PKHD1: variants seen among roughly 807,000 people sequenced by gnomAD.
PKHD1 encodes fibrocystin.
PKHD1 carries 291 observed loss-of-function variants against 412.0 expected under a neutral mutation model. That is an observed-to-expected ratio of 0.71 (90% CI 0.64 to 0.78). PKHD1 has a LOEUF of 0.78. Among genes scored for constraint, PKHD1 ranks in the 30% least tolerant of loss-of-function variants. The pLI, the probability that PKHD1 is intolerant of heterozygous loss-of-function variation, is 0.00. For synonymous variants in PKHD1, 1,777 were observed against 1,821.5 expected (o/e 0.98, Z 0.62); for missense variants, 4,825 against 4,950.7 (o/e 0.97, Z 0.76).
At chr6:51,886,952 T>C (rs1054713869) in intron 44 of PKHD1, among the ~76,000 whole-genome samples, 181 bp downstream of exon 44, 2 of 152,198 alleles carry the variant, frequency 1.3e-5, no homozygotes, top group Admixed American at 6.5e-5. Flanking sequence ...TCAAGTTGCA[T>C]ACATTAAATA....
intron 37 of PKHD1, among the ~76,000 whole-genome samples, chr6:51,925,137 C>G (rs1785322835): frequency 6.6e-6 from 1 of 152,146 alleles, no homozygotes; most frequent in African/African-American, 2.4e-5. Context: ...AGTGAGTACT[C>G]TATGACGGAG....
chr6:51,932,639 T>C (rs988231203), intron 37 of PKHD1, among the ~76,000 whole-genome samples: 1 of 152,238 alleles, frequency 6.6e-6, no homozygotes, highest in African/African-American at 2.4e-5. Flanking sequence ...AAAATCAATG[T>C]AGTTGCTTGC....
intron 55 of PKHD1, among the ~76,000 whole-genome samples, chr6:51,761,543 T>G (rs1788015005): frequency 6.6e-6 from 1 of 152,098 alleles, no homozygotes. Context: ...GTGACTACAG[T>G]TATTAATATA....
intron 36 of PKHD1, among the ~76,000 whole-genome samples, chr6:51,934,941 G>C (rs985325095): frequency 2.0e-5 from 3 of 152,174 alleles, no homozygotes; most frequent in African/African-American, 7.2e-5. Flanking sequence ...GAGCAAAAGG[G>C]AAAAGAGGTA....
At chr6:51,948,451 T>C (rs1196446705) in intron 36 of PKHD1, among the ~76,000 whole-genome samples, 1 of 152,224 alleles carries the variant, frequency 6.6e-6, no homozygotes, top group African/African-American at 2.4e-5. Context: ...ACCTCCAATG[T>C]GTATTCCCTA....
rs535767744 is a variant in PKHD1 at position 51,711,128 on chromosome 6, G to A, written c.10156+33257C>T. Reference sequence around the variant, plus strand: ...CATACGTGTGCAACCAAGAAGTGTTGGTGTTGGGGATACTTTAACCAATCA... The same window carrying A: ...CATACGTGTGCAACCAAGAAGTGTTAGTGTTGGGGATACTTTAACCAATCA... On this transcript the variant is annotated intron_variant, in intron 60 of 66. Coordinates refer to ENST00000371117, the MANE Select transcript of PKHD1 (RefSeq NM_138694.4). Among the ~76,000 whole-genome samples, 4 of 152,264 alleles carry A rather than the reference G, an allele frequency of 2.6e-5. No individual in the cohort carries two copies. In the South Asian group the frequency reaches 8.3e-4, roughly 32 times the overall value.
At chr6:52,021,812 A>C (rs895508754) in intron 33 of PKHD1, among the ~76,000 whole-genome samples, 2 of 151,906 alleles carry the variant, frequency 1.3e-5, no homozygotes, top group African/African-American at 4.8e-5. Context: ...ACACAGCACA[A>C]ATTTCCATCA....
intron 43 of PKHD1, among the ~76,000 whole-genome samples, chr6:51,889,126 G>A (rs1412710519): frequency 6.6e-6 from 1 of 152,052 alleles, no homozygotes; most frequent in Non-Finnish European, 1.5e-5. Context: ...CTGATCACCT[G>A]GGGGTTTTCC....
chr6:51,981,328 C>G (rs1448154639), intron 35 of PKHD1, among the ~76,000 whole-genome samples: 5 of 26,282 alleles, frequency 1.9e-4, no homozygotes, highest in Admixed American at 1.1e-3. Context: ...TCTCCCTCTC[C>G]CTCTCCCTCT....
intron 36 of PKHD1, among the ~76,000 whole-genome samples, chr6:51,941,407 C>T (rs1190242621): frequency 6.7e-6 from 1 of 149,466 alleles, no homozygotes; most frequent in Non-Finnish European, 1.5e-5. Flanking sequence ...AGGCGCCCGC[C>T]ACCGCGCCCG....
chr6:51,626,280 T>C (rs774739775), intron 66 of PKHD1, among the ~76,000 whole-genome samples: 27 of 152,198 alleles, frequency 1.8e-4, no homozygotes, highest in Admixed American at 5.2e-4. Context: ...TTGGAGTATA[T>C]GTTTTAAAAC....
chr6:51,801,610 C>T (rs1297985648), intron 52 of PKHD1, among the ~76,000 whole-genome samples: 1 of 125,706 alleles, frequency 8.0e-6, no homozygotes, highest in Non-Finnish European at 1.7e-5. Context: ...TTTCCTGACA[C>T]CCTGAAGAAA....
At position 51,616,343 on chromosome 6, in the gene PKHD1, T is replaced by C. The variant is rs1417112228; in HGVS notation, c.*2738A>G. On this transcript the variant is annotated 3_prime_UTR_variant, in exon 67 of 67. Transcript: ENST00000371117. ...TGAACTAACACAGGAAAAAAGCACA[T>C]CTCAATATTTATTTAGATAAAGGGT... is the stretch of plus-strand genomic sequence containing the variant. 5 of 229,608 alleles carry C rather than the reference T, an allele frequency of 2.2e-5. No homozygotes were observed. Among genetic ancestry groups the C allele is most frequent in the African/African-American group, 1.1e-4 (5 of 44,556 alleles). 14.2% of individuals were successfully genotyped at this position (229,608 alleles called of 1,614,324 possible).
At chr6:51,640,175 A>G (rs930746265) in intron 63 of PKHD1, among the ~76,000 whole-genome samples, 3 of 152,184 alleles carry the variant, frequency 2.0e-5, no homozygotes, top group Non-Finnish European at 4.4e-5. Context: ...ACATGAAATC[A>G]TTTGCTGCAG....
chr6:51,809,062 A>G (rs935881651), intron 52 of PKHD1, among the ~76,000 whole-genome samples: 1 of 152,188 alleles, frequency 6.6e-6, no homozygotes, highest in African/African-American at 2.4e-5. Flanking sequence ...TCAATTCAAT[A>G]TCCCAAGAAC....
rs1306059097 is a variant in PKHD1 at position 51,941,280 on chromosome 6, G to A, written c.5909-6958C>T. Among the ~76,000 whole-genome samples the A allele has an allele frequency of 2.9e-4, 31 of 107,124 alleles. 1 individual carries two copies. The highest frequency in any genetic ancestry group is 9.8e-4 in the African/African-American group (27 of 27,434). 70.3% of individuals were successfully genotyped at this position (107,124 alleles called of 152,430 possible). A position where few individuals can be genotyped will look rare whatever the true frequency, so the allele number is the denominator to read the frequency against. ...TTTTTTTTTTTTGAGACGGAGTCTC[G>A]CTCTGTCGCCCAGGCCGGACTGCGG... is the stretch of plus-strand genomic sequence containing the variant. On this transcript the variant is annotated intron_variant, in intron 36 of 66. Transcript: ENST00000371117.
At chr6:51,639,008 A>C in intron 63 of PKHD1, 52 bp from the exon 64 acceptor site, 4 of 1,272,232 alleles carry the variant, frequency 3.1e-6, no homozygotes, top group Non-Finnish European at 4.6e-6. Flanking sequence ...AATCTCGAAC[A>C]ATGTCTTCAT....
intron 65 of PKHD1, among the ~76,000 whole-genome samples, chr6:51,630,761 TA>T (rs1767827908): frequency 6.6e-6 from 1 of 152,156 alleles, no homozygotes; most frequent in African/African-American, 2.4e-5. Context: ...TTAATAAATA[TA>T]AAATACAGAA....
At chr6:51,951,047 C>T (rs927186) in intron 36 of PKHD1, among the ~76,000 whole-genome samples, 106,981 of 152,072 alleles carry the variant, frequency 0.7, 38,134 homozygotes, top group East Asian at 0.94. Flanking sequence ...TAACTCTGTA[C>T]TAATTACAGA....
Sources: gnomAD v4.1 joint callset for allele counts (sites outside exome capture counted in the v4.1 genomes callset) on GRCh38, gnomAD v4.1.1 for gene constraint, MANE v1.5 for transcripts, NCBI Gene and HGNC (gene_info 2026-07-23, HGNC 2026-07-21) for gene names.